The following MUCL3 variants were observed in gnomAD, a reference collection of about 807,000 sequenced individuals.
MUCL3 encodes mucin like 3.
A neutral mutation model predicts 70.2 loss-of-function variants in MUCL3; 42 were observed. The observed-to-expected ratio is 0.60, with a 90% confidence interval of 0.47 to 0.77. MUCL3 has a LOEUF of 0.77. MUCL3 is among the 30% of genes least tolerant of loss of function. MUCL3 has a pLI of 0.00. For synonymous variants in MUCL3, 522 were observed against 647.0 expected, an observed-to-expected ratio of 0.81 and a Z score of 2.93; for missense variants, 1,429 against 1,670.0, an observed-to-expected ratio of 0.86 and a Z score of 2.52.
Position 30,951,404 on chromosome 6 carries a change from T to A in MUCL3, c.2940T>A (p.Pro980=), listed in dbSNP as rs1376718084. 4 of 1,539,504 alleles carry A rather than the reference T, an allele frequency of 2.6e-6. No homozygotes were observed. The highest frequency in any genetic ancestry group is 4.0e-5 in the Admixed American group (2 of 49,606). ...ACACCACACCATCCTCAGCAGAGCC[T>A]ACAGAAAATGGAGAAAGGACCCCAC... ...NEDTTPSSAE[P]TENGERTPLA... The change falls in exon 2 of 3, where the codon CCT becomes CCA. Residue 980 remains proline (P), a synonymous_variant. Transcript: ENST00000462446.
Position 30,951,233 on chromosome 6 carries a change from A to G in MUCL3, c.2769A>G (p.Glu923=), listed in dbSNP as rs1488642284. 12 of 1,551,846 alleles carry G rather than the reference A, an allele frequency of 7.7e-6. No homozygotes were observed. The Admixed American group carries it at 2.2e-4, about 28-fold the overall frequency. The change falls in exon 2 of 3, where the codon GAA becomes GAG. Residue 923 remains glutamate, a synonymous_variant. Coordinates refer to ENST00000462446, the MANE Select transcript of MUCL3 (RefSeq NM_080870.4). ...KTTPSSAEPT[E]HGERTPLANE... ...CACCATCCTCAGCAGAGCCTACAGA[A>G]CATGGAGAAAGGACCCCACTGGCCA...
chr6:30,951,084 C>G lies in MUCL3; in HGVS notation c.2620C>G (p.Leu874Val). ...ATGGACAGCCAATGAGAACACCACA[C>G]TATCCCCAGCAGAGCCTACAGAACA... Reference protein sequence around the residue: ...REWTANENTTLSPAEPTEHEE... With the variant: ...REWTANENTTVSPAEPTEHEE... Residue 874 changes from leucine (L) to valine (V), a missense_variant, in exon 2 of 3, where the codon CTA (leucine) becomes GTA (valine). Physicochemically the swap from Leu to Val is conservative, Grantham distance 32. Coordinates refer to ENST00000462446, the MANE Select transcript of MUCL3 (RefSeq NM_080870.4). 1 of 1,550,906 alleles carries G rather than the reference C, an allele frequency of 6.4e-7. No individual in the cohort carries two copies. The highest frequency in any genetic ancestry group is 8.7e-7 in the Non-Finnish European group (1 of 1,146,846).
chr6:30,950,584 C>A lies in MUCL3; in HGVS notation c.2120C>A (p.Thr707Asn). Residue 707 changes from threonine (T) to asparagine (N), a missense_variant, in exon 2 of 3, where the codon ACC becomes AAC. Coordinates refer to ENST00000462446, the MANE Select transcript of MUCL3 (RefSeq NM_080870.4). ...SAEPTEHGER[T>N]PLANENTTLS... ...GAGCCTACAGAACACGGAGAAAGGA[C>A]CCCACTGGCCAATGAGAACACCACA... 1 of 1,546,326 alleles carries A rather than the reference C, an allele frequency of 6.5e-7. No individual in the cohort carries two copies. Among genetic ancestry groups the A allele is most frequent in the East Asian group, 2.5e-5 (1 of 40,634 alleles).
intron 1 of MUCL3, among the ~76,000 whole-genome samples, chr6:30,948,082 C>A (rs1458306747): frequency 6.6e-6 from 1 of 152,196 alleles, no homozygotes; most frequent in Non-Finnish European, 1.5e-5. Flanking sequence ...AAGTTACAGA[C>A]CCTAAAGGGG....
chr6:30,952,682 T>C (rs1367196381), intron 2 of MUCL3, among the ~76,000 whole-genome samples, 183 bp downstream of exon 2: 1 of 151,114 alleles, frequency 6.6e-6, no homozygotes, highest in Non-Finnish European at 1.5e-5. Context: ...ACACAGGAGG[T>C]AAAAAGCTGG....
Position 30,951,864 on chromosome 6 carries a change from T to A in MUCL3, c.3400T>A (p.Ser1134Thr). The A allele has an allele frequency of 6.2e-7, 1 of 1,606,926 alleles. No homozygotes were observed. Among genetic ancestry groups the A allele is most frequent in the Non-Finnish European group, 8.5e-7 (1 of 1,177,120 alleles). Residue 1134 changes from serine to threonine, a missense_variant, in exon 2 of 3, where the codon TCA becomes ACA. Ser to Thr is a moderately conservative substitution (Grantham distance 58, BLOSUM62 1). Transcript: ENST00000462446. ...TACAGAACATAGAGATAGGGCTACA[T>A]CAGCCAATGTGATCACACCAGCCCC... Reference protein sequence around the residue: ...ESTEHRDRATSANVITPAPAE... With the variant: ...ESTEHRDRATTANVITPAPAE...
chr6:30,952,788 C>T (rs1582270311), intron 2 of MUCL3, among the ~76,000 whole-genome samples, 183 bp from the exon 3 acceptor site: 1 of 152,006 alleles, frequency 6.6e-6, no homozygotes, highest in East Asian at 1.9e-4. Flanking sequence ...GGTGTAAAGA[C>T]AAGGAGAATA....
In MUCL3 at chr6:30,953,980, C is replaced by G. The variant is rs1428603176; in HGVS notation, c.*863C>G. 1 of 152,256 alleles carries G rather than the reference C, an allele frequency of 6.6e-6. No individual in the cohort carries two copies. The highest frequency in any genetic ancestry group is 6.5e-5 in the Admixed American group (1 of 15,278). The allele number at this position is 152,256 out of a possible 1,614,324, so 9.4% of individuals were successfully genotyped here. A position where few individuals can be genotyped will look rare whatever the true frequency, so the allele number is the denominator to read the frequency against. On this transcript the variant is annotated 3_prime_UTR_variant, in exon 3 of 3. Transcript: ENST00000462446. ...CCAAAAGCCAGCTGTAGCTTTATCT[C>G]GTAAAAGTTACCCATCTTCTCTACT...
At chr6:30,948,020 C>T (rs1021818373) in intron 1 of MUCL3, among the ~76,000 whole-genome samples, 2 of 152,156 alleles carry the variant, frequency 1.3e-5, no homozygotes, top group African/African-American at 2.4e-5. Context: ...AAGAGTCTAA[C>T]GTTTACTCCT....
intron 1 of MUCL3, among the ~76,000 whole-genome samples, chr6:30,947,837 C>T (rs1001103911): frequency 4.0e-5 from 6 of 151,876 alleles, no homozygotes; most frequent in East Asian, 1.9e-4. Flanking sequence ...ACTTTATCAC[C>T]GAAATGAAAG....
chr6:30,945,808 G>C (rs1795756187), intron 1 of MUCL3, among the ~76,000 whole-genome samples: 1 of 152,058 alleles, frequency 6.6e-6, no homozygotes, highest in Admixed American at 6.6e-5. Context: ...CAAAAAATTA[G>C]CTGGGTGTGG....
At chr6:30,941,422 A>T (rs1795566501) in intron 1 of MUCL3, among the ~76,000 whole-genome samples, 1 of 149,194 alleles carries the variant, frequency 6.7e-6, no homozygotes, top group South Asian at 2.1e-4. Context: ...ACAGCTGCTC[A>T]TGGTGATTTC....
chr6:30,944,574 C>T (rs1795712143), intron 1 of MUCL3, among the ~76,000 whole-genome samples: 2 of 152,288 alleles, frequency 1.3e-5, no homozygotes, highest in East Asian at 1.9e-4. Flanking sequence ...TGTGCCCAGC[C>T]GATGTCCTCT....
chr6:30,946,139 AG>A (rs1795770869), intron 1 of MUCL3: 1 of 152,468 alleles, frequency 6.6e-6, no homozygotes, highest in African/African-American at 2.4e-5. Flanking sequence ...GCAGGGGGGT[AG>A]GGCTACTGCT....
chr6:30,949,135 C>A lies in MUCL3; in HGVS notation c.671C>A (p.Ser224Tyr). 1 of 1,551,384 alleles carries A rather than the reference C, an allele frequency of 6.4e-7. No individual in the cohort carries two copies. The highest frequency in any genetic ancestry group is 1.2e-5 in the South Asian group (1 of 83,928). ...TCACAGACCAAGCAAAAAAGCACAT[C>A]TTTTCCAGAAAAAATCACAGCAGCC... Reference protein sequence around the residue: ...GNSQTKQKSTSFPEKITAASK... With the variant: ...GNSQTKQKSTYFPEKITAASK... The change falls in exon 2 of 3, where the codon TCT (serine) becomes TAT (tyrosine). Residue 224 changes from serine to tyrosine, a missense_variant. Transcript: ENST00000462446.
At position 30,950,645 on chromosome 6, in the gene MUCL3, G is replaced by C. The variant is rs1456449642; in HGVS notation, c.2181G>C (p.Arg727Ser). The change falls in exon 2 of 3, where the codon AGG (arginine) becomes AGC (serine). Residue 727 changes from arginine to serine, a missense_variant. By Grantham distance (110) the Arg-to-Ser change is moderately radical. Coordinates refer to ENST00000462446, the MANE Select transcript of MUCL3 (RefSeq NM_080870.4). Reference protein sequence around the residue: ...SPAEPTENRERTANEKTTPFP... With the variant: ...SPAEPTENRESTANEKTTPFP... ...CAGAGCCTACAGAAAATAGAGAAAG[G>C]ACAGCCAATGAGAAGACCACACCAT... 1.3e-6 allele frequency: 2 copies of C among 1,531,642 alleles called. No homozygotes were observed. The highest frequency in any genetic ancestry group is 1.4e-5 in the African/African-American group (1 of 70,744). The allele number at this position is 1,531,642 out of a possible 1,614,324, so 94.9% of individuals were successfully genotyped here. A position where few individuals can be genotyped will look rare whatever the true frequency, so the allele number is the denominator to read the frequency against.
In MUCL3 at chr6:30,950,956, A is replaced by G. The variant is rs1440594414; in HGVS notation, c.2492A>G (p.Asn831Ser). The change falls in exon 2 of 3, where the codon AAT (asparagine) becomes AGT (serine). Residue 831 changes from asparagine to serine, a missense_variant. Coordinates refer to ENST00000462446, the MANE Select transcript of MUCL3 (RefSeq NM_080870.4). ...EPTENRERTANEKTTQFPAEP... is the reference protein window; with the variant it reads ...EPTENRERTASEKTTQFPAEP... ...ACAGAAAATAGAGAAAGGACAGCCA[A>G]TGAGAAGACCACACAATTCCCAGCA... The G allele has an allele frequency of 2.6e-6, 4 of 1,548,622 alleles. No individual in the cohort carries two copies. The highest frequency in any genetic ancestry group is 2.5e-5 in the East Asian group (1 of 40,750).
In MUCL3 at chr6:30,951,448, C is replaced by G. The variant is rs1582266151; in HGVS notation, c.2984C>G (p.Thr995Arg). ...ERTPLANENTTTSPTESTEHG... is the reference protein window; with the variant it reads ...ERTPLANENTRTSPTESTEHG... ...ACCCCACTGGCCAATGAGAACACCA[C>G]AACATCCCCAACAGAGTCTACAGAA... Residue 995 changes from threonine (T) to arginine (R), a missense_variant, in exon 2 of 3, where the codon ACA (threonine) becomes AGA (arginine). Thr to Arg is a moderately conservative substitution (Grantham distance 71). Coordinates refer to ENST00000462446, the MANE Select transcript of MUCL3 (RefSeq NM_080870.4). The G allele has an allele frequency of 9.7e-6, 15 of 1,551,478 alleles. No homozygotes were observed. In the East Asian group the frequency reaches 3.7e-4, roughly 38 times the overall value.
intron 2 of MUCL3, 123 bp downstream of exon 2, chr6:30,952,622 C>A: frequency 9.0e-7 from 1 of 1,115,952 alleles, no homozygotes; most frequent in Non-Finnish European, 1.2e-6. Flanking sequence ...GTGGGAGGAA[C>A]AGTAATAGAG....
Sources: gnomAD v4.1 joint callset for allele counts (sites outside exome capture counted in the v4.1 genomes callset) on GRCh38, gnomAD v4.1.1 for gene constraint, MANE v1.5 for transcripts, NCBI Gene and HGNC (gene_info 2026-07-23, HGNC 2026-07-21) for gene names.